DISP1: variants seen among roughly 807,000 people sequenced by gnomAD.
The protein encoded by DISP1 is protein dispatched homolog 1.
Under a neutral mutation model 37.3 loss-of-function variants are expected in DISP1, and 30 were observed. The ratio of observed to expected loss-of-function variants is 0.80; its 90% CI spans 0.60 to 1.09. The LOEUF (loss-of-function observed/expected upper bound fraction) is 1.09, where lower values mean the gene tolerates loss of function less well. Ranked by LOEUF, DISP1 falls within the 50% of genes least tolerant of loss-of-function variation. DISP1 has a pLI of 0.00. For missense variants in DISP1, 1,598 were observed against 1,879.5 expected (o/e 0.85, Z 2.77); for synonymous variants, 634 against 690.2 (o/e 0.92, Z 1.28).
At chr1:222,907,985 T>C (rs1671998385) in intron 1 of DISP1, among the ~76,000 whole-genome samples, 1 of 152,122 alleles carries the variant, frequency 6.6e-6, no homozygotes, top group African/African-American at 2.4e-5. Flanking sequence ...GATTTGATTA[T>C]TTAGTATGGC....
intron 6 of DISP1, 123 bp from the exon 7 acceptor site, chr1:222,991,890 C>T (rs971344942): frequency 1.1e-6 from 1 of 879,620 alleles, no homozygotes; most frequent in Non-Finnish European, 1.8e-6. Flanking sequence ...TTCTTCTAAT[C>T]CTTTCAACTT....
At chr1:222,850,782 T>C (rs1327464511) in intron 1 of DISP1, among the ~76,000 whole-genome samples, 1 of 152,220 alleles carries the variant, frequency 6.6e-6, no homozygotes, top group African/African-American at 2.4e-5. Flanking sequence ...TCATTCTTTT[T>C]TATGGCTGCA....
intron 1 of DISP1, among the ~76,000 whole-genome samples, chr1:222,835,955 C>CAAAAA (rs1275754600): frequency 1.1e-3 from 129 of 117,008 alleles, no homozygotes; most frequent in African/African-American, 2.6e-3. Context: ...ACTCTTGTCT[C>CAAAAA]AAAAAAAAAA....
At position 223,004,759 on chromosome 1, in the gene DISP1, C is replaced by G. The variant is rs1467069354; in HGVS notation, c.3362C>G (p.Ala1121Gly). ...ATGCTCATCATGTGTATCAGTTGGG[C>G]TTTCGCCACCTTCTTTTTCCAGTGC... ...FMMLIMCISW[A>G]FATFFFQCMC... Residue 1121 changes from alanine to glycine, a missense_variant, in exon 9 of 9, where the codon GCT (alanine) becomes GGT (glycine). Coordinates refer to ENST00000675850, the MANE Select transcript of DISP1 (RefSeq NM_001377229.1). The surrounding 1 kb of genome is among the most constrained non-coding windows in gnomAD (Gnocchi z 4.9). 1 of 1,613,596 alleles carries G rather than the reference C, an allele frequency of 6.2e-7. No homozygotes were observed. The highest frequency in any genetic ancestry group is 1.3e-5 in the African/African-American group (1 of 75,050).
At chr1:223,000,445 C>T (rs1029362942) in intron 8 of DISP1, among the ~76,000 whole-genome samples, 2 of 152,116 alleles carry the variant, frequency 1.3e-5, no homozygotes, top group African/African-American at 4.8e-5. Flanking sequence ...GGAATGTTTA[C>T]GATTGCTCCT....
intron 2 of DISP1, among the ~76,000 whole-genome samples, chr1:222,929,902 T>C (rs1426963857): frequency 6.6e-6 from 1 of 152,162 alleles, no homozygotes; most frequent in African/African-American, 2.4e-5. Context: ...GTATCTTCTA[T>C]GCTTCATATA....
intron 3 of DISP1, 46 bp downstream of exon 3, chr1:222,943,378 G>T (rs767700489): frequency 6.2e-7 from 1 of 1,611,756 alleles, no homozygotes; most frequent in Middle Eastern, 1.6e-4. Context: ...CTAATGCCAC[G>T]TGAACATGAC....
At chr1:222,976,904 A>G (rs1372419100) in intron 3 of DISP1, among the ~76,000 whole-genome samples, 1 of 144,274 alleles carries the variant, frequency 6.9e-6, no homozygotes, top group South Asian at 2.6e-4. Flanking sequence ...CATAAGTGAA[A>G]AAATGGGATT....
At chr1:222,970,346 CA>C (rs1349177329) in intron 3 of DISP1, among the ~76,000 whole-genome samples, 1 of 151,986 alleles carries the variant, frequency 6.6e-6, no homozygotes, top group Non-Finnish European at 1.5e-5. Context: ...TTTATTAAGC[CA>C]TTTATCTAGT....
At chr1:222,891,315 A>G (rs868509017) in intron 1 of DISP1, among the ~76,000 whole-genome samples, 78 of 152,310 alleles carry the variant, frequency 5.1e-4, no homozygotes, top group African/African-American at 1.8e-3. Flanking sequence ...AGGAATAATC[A>G]AAGATAATTT....
chr1:222,816,064 T>G (rs1167235140), intron 1 of DISP1, among the ~76,000 whole-genome samples: 2 of 103,090 alleles, frequency 1.9e-5, no homozygotes, highest in Non-Finnish European at 3.7e-5. Flanking sequence ...TTATTTCTGC[T>G]GTAAGGAAAT....
At chr1:222,892,941 A>G (rs933332408) in intron 1 of DISP1, among the ~76,000 whole-genome samples, 7 of 152,254 alleles carry the variant, frequency 4.6e-5, no homozygotes, top group Admixed American at 2.0e-4. Flanking sequence ...TCTCAAGGCA[A>G]TTAATGTTTT....
rs779451585 is a variant in DISP1 at position 223,004,533 on chromosome 1, G to A, written c.3136G>A (p.Val1046Ile). The A allele has an allele frequency of 1.3e-5, 21 of 1,614,164 alleles. No individual in the cohort carries two copies. The Middle Eastern group carries it at 9.9e-4, about 76-fold the overall frequency. The stretch of plus-strand genomic sequence containing the variant: ...GGAATCTGTCACCATTTCGGTTGCC[G>A]TCGGCTTGTCTGTAGACTTTGCCGT... ...VLESVTISVAVGLSVDFAVHY... is the reference protein window; with the variant it reads ...VLESVTISVAIGLSVDFAVHY... Residue 1046 changes from valine to isoleucine, a missense_variant, in exon 9 of 9, where the codon GTC (valine) becomes ATC (isoleucine). By Grantham distance (29) the Val-to-Ile change is conservative. Transcript: ENST00000675850. This position sits in a 1 kb window ranked among gnomAD's most constrained non-coding sequence, Gnocchi z 4.9.
At chr1:222,983,318 A>C (rs1364551721) in intron 4 of DISP1, among the ~76,000 whole-genome samples, 1 of 152,130 alleles carries the variant, frequency 6.6e-6, no homozygotes, top group Non-Finnish European at 1.5e-5. Flanking sequence ...AACCCTATTA[A>C]ATTCTATTTG....
intron 1 of DISP1, among the ~76,000 whole-genome samples, chr1:222,900,406 A>G (rs964650202): frequency 2.0e-5 from 3 of 152,320 alleles, no homozygotes; most frequent in Middle Eastern, 3.4e-3. Flanking sequence ...TGGATTGTCT[A>G]TGTCAGTAGA....
At chr1:222,869,143 A>G (rs901831079) in intron 1 of DISP1, among the ~76,000 whole-genome samples, 3 of 152,158 alleles carry the variant, frequency 2.0e-5, no homozygotes, top group East Asian at 1.9e-4. Context: ...TGAGCCTTCA[A>G]TAACCCCAAA....
At chr1:222,947,630 T>C (rs536711495) in intron 3 of DISP1, among the ~76,000 whole-genome samples, 1 of 152,292 alleles carries the variant, frequency 6.6e-6, no homozygotes, top group East Asian at 1.9e-4. Flanking sequence ...GGAACCGTTT[T>C]CCATAGTGGC....
chr1:222,893,534 A>T lies in DISP1; in HGVS notation c.-158-34896A>T, dbSNP rs1671058549. Reference sequence around the variant, plus strand: ...TGTGAGGTCTGGCTGCTGTGCACAGACAGCTAGGCACATCAGCTGCTGTGG... The same window carrying T: ...TGTGAGGTCTGGCTGCTGTGCACAGTCAGCTAGGCACATCAGCTGCTGTGG... On this transcript the variant is annotated intron_variant, in intron 1 of 8. Coordinates refer to ENST00000675850, the MANE Select transcript of DISP1 (RefSeq NM_001377229.1). The surrounding 1 kb of genome is among the most constrained non-coding windows in gnomAD (Gnocchi z 4.3). 6.6e-6 allele frequency among the ~76,000 whole-genome samples: 1 copy of T among 152,210 alleles called. No individual in the cohort carries two copies. Among genetic ancestry groups the T allele is most frequent in the Non-Finnish European group, 1.5e-5 (1 of 68,012 alleles).
rs1174595140 is a variant in DISP1, at chr1:222,991,611, A to G, written c.755A>G (p.Asn252Ser). The G allele has an allele frequency of 6.2e-7, 1 of 1,613,738 alleles. No homozygotes were observed. Among genetic ancestry groups the G allele is most frequent in the South Asian group, 1.1e-5 (1 of 91,068 alleles). ...KNTGYKATLA[N>S]YPFKYADEQA... Reference sequence around the variant, plus strand: ...ACAGGATACAAAGCAACATTAGCAAATTATCCCTTTAAATATGCAGATGAA... The same window carrying G: ...ACAGGATACAAAGCAACATTAGCAAGTTATCCCTTTAAATATGCAGATGAA... The change falls in exon 6 of 9, where the codon AAT becomes AGT. Residue 252 changes from asparagine to serine, a missense_variant. Asn to Ser is a conservative substitution (Grantham distance 46, BLOSUM62 1). Coordinates refer to ENST00000675850, the MANE Select transcript of DISP1 (RefSeq NM_001377229.1).
Sources: allele counts gnomAD v4.1 joint callset (sites outside exome capture counted in the v4.1 genomes callset), GRCh38; gene constraint gnomAD v4.1.1; non-coding constraint Gnocchi (gnomAD v3.1); transcripts MANE v1.5; gene names NCBI Gene and HGNC (gene_info 2026-07-23, HGNC 2026-07-21).